The following PLCL2 variants were observed in gnomAD, a reference collection of about 807,000 sequenced individuals.
PLCL2 encodes phospholipase C like 2.
In PLCL2, 4 loss-of-function variants were observed where a neutral mutation model predicts 79.6. The observed-to-expected ratio is 0.05, with a 90% CI of 0.02 to 0.11. The LOEUF (loss-of-function observed/expected upper bound fraction) is 0.11. Ranked by LOEUF, PLCL2 falls within the 10% of genes least tolerant of loss-of-function variation. The pLI, the probability that PLCL2 is intolerant of heterozygous loss-of-function variation, is 1.00. For synonymous variants in PLCL2, 484 were observed against 457.7 expected, an observed-to-expected ratio of 1.06 and a Z score of -0.73; for missense variants, 895 against 1,291.0, an observed-to-expected ratio of 0.69 and a Z score of 4.70.
chr3:17,028,311 G>T (rs937893202), intron 3 of PLCL2, among the ~76,000 whole-genome samples: 2 of 152,094 alleles, frequency 1.3e-5, no homozygotes, highest in Non-Finnish European at 2.9e-5. Context: ...GATTATAAAA[G>T]TGCTTGAGGT....
Position 17,090,192 on chromosome 3 carries a change from C to T in PLCL2, c.*280C>T. ...TTCCAGTATGAAGAAAGATTATTCA[C>T]TCTAGCTCCACTGAGAAACATTTTC... On this transcript the variant is annotated 3_prime_UTR_variant, in exon 6 of 6. Transcript: ENST00000615277. 1 of 1,092,484 alleles carries T rather than the reference C, an allele frequency of 9.2e-7. No homozygotes were observed. The highest frequency in any genetic ancestry group is 1.1e-6 in the Non-Finnish European group (1 of 897,894). 67.7% of individuals were successfully genotyped at this position (1,092,484 alleles called of 1,614,324 possible). A position where few individuals can be genotyped will look rare whatever the true frequency, so the allele number is the denominator to read the frequency against.
At chr3:17,022,660 C>T (rs1447706511) in intron 3 of PLCL2, among the ~76,000 whole-genome samples, 1 of 152,122 alleles carries the variant, frequency 6.6e-6, no homozygotes, top group Non-Finnish European at 1.5e-5. Context: ...AACTTTTTGT[C>T]ATTACTAGAC....
intron 3 of PLCL2, among the ~76,000 whole-genome samples, chr3:17,042,139 T>G (rs1484344384): frequency 6.6e-6 from 1 of 152,180 alleles, no homozygotes; most frequent in Non-Finnish European, 1.5e-5. Flanking sequence ...GAGACTTGTT[T>G]CTGGCTATCC....
At chr3:16,961,167 C>T (rs73149112) in intron 1 of PLCL2, among the ~76,000 whole-genome samples, 3,776 of 152,274 alleles carry the variant, frequency 0.025, 156 homozygotes, top group African/African-American at 0.085. Context: ...AAACATAAAA[C>T]GATTTCATTG....
intron 1 of PLCL2, among the ~76,000 whole-genome samples, chr3:16,895,740 T>C (rs1282642580): frequency 1.3e-5 from 2 of 152,178 alleles, no homozygotes; most frequent in Non-Finnish European, 2.9e-5. Flanking sequence ...TAGCGTATCA[T>C]ACAGTGGAAT....
At chr3:17,080,819 T>G (rs1052410385) in intron 5 of PLCL2, among the ~76,000 whole-genome samples, 2 of 152,238 alleles carry the variant, frequency 1.3e-5, no homozygotes, top group Non-Finnish European at 2.9e-5. Context: ...GTTTCTGCTT[T>G]TAATCACAGG....
At chr3:16,934,184 C>T (rs1403193074) in intron 1 of PLCL2, among the ~76,000 whole-genome samples, 1 of 152,176 alleles carries the variant, frequency 6.6e-6, no homozygotes, top group African/African-American at 2.4e-5. Flanking sequence ...TGACCCGAGA[C>T]ACCTGTAAAC....
At position 16,922,893 on chromosome 3, in the gene PLCL2, AG is replaced by A. The variant is rs996020433; in HGVS notation, c.327+37529del. ...CTTGGAGAAACAGAAAAGCTTCTGA[AG>A]GCAAAATAGTGCATATGAAACCTTG... is the stretch of plus-strand genomic sequence containing the variant. On this transcript the variant is annotated intron_variant, in intron 1 of 5. Transcript: ENST00000615277. Among the ~76,000 whole-genome samples the A allele has an allele frequency of 7.2e-4, 109 of 152,234 alleles. 1 individual carries two copies. The highest frequency in any genetic ancestry group is 2.5e-3 in the African/African-American group (105 of 41,554).
At chr3:16,971,200 A>AAC (rs1254429466) in intron 1 of PLCL2, among the ~76,000 whole-genome samples, 1 of 151,578 alleles carries the variant, frequency 6.6e-6, no homozygotes, top group Admixed American at 6.6e-5. Flanking sequence ...TTTTAGGTCT[A>AAC]ATGTTTAAGT....
At chr3:16,946,953 C>CTTTTT (rs1056023349) in intron 1 of PLCL2, among the ~76,000 whole-genome samples, 14,257 of 94,750 alleles carry the variant, frequency 0.15, 2,076 homozygotes, top group East Asian at 0.48. Context: ...AAGTTTCATT[C>CTTTTT]TTTTTTTTTT....
chr3:17,060,684 A>G (rs1236015640), intron 4 of PLCL2, among the ~76,000 whole-genome samples: 10 of 152,170 alleles, frequency 6.6e-5, no homozygotes, highest in African/African-American at 2.2e-4. Flanking sequence ...AAGTAGTGTG[A>G]TATCATACCA....
chr3:16,998,051 G>A (rs1321603704), intron 1 of PLCL2, among the ~76,000 whole-genome samples: 1 of 152,170 alleles, frequency 6.6e-6, no homozygotes, highest in African/African-American at 2.4e-5. Flanking sequence ...TGGTGGATGT[G>A]ATGTGTCCCA....
chr3:17,067,699 T>G (rs2065023643), intron 4 of PLCL2, among the ~76,000 whole-genome samples: 2 of 152,176 alleles, frequency 1.3e-5, no homozygotes, highest in Non-Finnish European at 2.9e-5. Context: ...AAAATAAGAA[T>G]AACAATGATC....
Position 17,009,732 on chromosome 3 carries a change from C to T in PLCL2, c.386C>T (p.Thr129Ile), listed in dbSNP as rs749876948. 6.2e-7 allele frequency: 1 copy of T among 1,611,514 alleles called. No homozygotes were observed. The highest frequency in any genetic ancestry group is 8.5e-7 in the Non-Finnish European group (1 of 1,177,790). ...KKTVSFSSMPTEKKISSASDC... is the reference protein window; with the variant it reads ...KKTVSFSSMPIEKKISSASDC... ...ACAGTCTCATTCAGCAGCATGCCAA[C>T]AGAGAAGAAGATCAGCAGTGCAAGT... Residue 129 changes from threonine to isoleucine, a missense_variant, in exon 2 of 6, where the codon ACA becomes ATA. By Grantham distance (89) the Thr-to-Ile change is moderately conservative. Around this residue, in one of 6 missense-constraint regions of PLCL2, gnomAD observed 129 missense variants for 208.8 expected, o/e 0.62. Transcript: ENST00000615277. This position sits in a 1 kb window ranked among gnomAD's most constrained non-coding sequence, Gnocchi z 4.0.
intron 1 of PLCL2, among the ~76,000 whole-genome samples, chr3:16,969,808 A>G (rs2063840288): frequency 6.6e-6 from 1 of 151,624 alleles, no homozygotes; most frequent in African/African-American, 2.4e-5. Flanking sequence ...TTGTTTTTCT[A>G]GTTCCTCAAA....
At chr3:16,987,752 C>G (rs897369212) in intron 1 of PLCL2, among the ~76,000 whole-genome samples, 1 of 152,084 alleles carries the variant, frequency 6.6e-6, no homozygotes, top group African/African-American at 2.4e-5. Context: ...AATTTTGATT[C>G]ACGTATTCTC....
chr3:16,885,418 A>C, intron 1 of PLCL2, 52 bp downstream of exon 1: 1 of 551,110 alleles, frequency 1.8e-6, no homozygotes, highest in Non-Finnish European at 3.2e-6. Context: ...CTTGGATTCT[A>C]TTTTCTCCCT....
chr3:17,015,196 C>G (rs2064370926), intron 3 of PLCL2, among the ~76,000 whole-genome samples: 7 of 152,216 alleles, frequency 4.6e-5, no homozygotes, highest in Admixed American at 3.9e-4. Context: ...ATTTTCCACA[C>G]AGATGTAGGA....
In PLCL2 at chr3:17,072,166, G is replaced by A. The variant is rs1215260920; in HGVS notation, c.3204+4101G>A. Reference sequence around the variant, plus strand: ...ATAATTGTTCTTTAAAAATTTTTAAGTACTAAATTTCATTTTATTTAACCA... The same window carrying A: ...ATAATTGTTCTTTAAAAATTTTTAAATACTAAATTTCATTTTATTTAACCA... On this transcript the variant is annotated intron_variant, in intron 5 of 5. Coordinates refer to ENST00000615277, the MANE Select transcript of PLCL2 (RefSeq NM_001144382.2). Among the ~76,000 whole-genome samples the A allele has an allele frequency of 2.6e-5, 4 of 151,942 alleles. No homozygotes were observed. In the East Asian group the frequency reaches 5.8e-4, roughly 22 times the overall value.
Sources: gnomAD v4.1 joint callset for allele counts (sites outside exome capture counted in the v4.1 genomes callset) on GRCh38, gnomAD v4.1.1 for gene constraint, gnomAD v4.1.1 regional missense constraint, Gnocchi (gnomAD v3.1) non-coding constraint, MANE v1.5 for transcripts, NCBI Gene and HGNC (gene_info 2026-07-23, HGNC 2026-07-21) for gene names.